Variants in STAT4 observed in about 807,000 individuals in gnomAD.
STAT4 encodes the protein signal transducer and activator of transcription 4.
A neutral mutation model predicts 110.5 loss-of-function variants in STAT4; 42 were observed. The observed-to-expected ratio is 0.38, with a 90% CI of 0.30 to 0.49. The LOEUF (loss-of-function observed/expected upper bound fraction) is 0.49, where lower values mean the gene tolerates loss of function less well. Among genes scored for constraint, STAT4 ranks in the 20% least tolerant of loss-of-function variants. STAT4 has a pLI of 0.95. For missense variants in STAT4, 632 were observed against 887.9 expected, an observed-to-expected ratio of 0.71 and a Z score of 3.66; for synonymous variants, 284 against 302.2, an observed-to-expected ratio of 0.94 and a Z score of 0.63.
At chr2:191,064,602 C>T (rs1383268728) in intron 8 of STAT4, among the ~76,000 whole-genome samples, 5 of 152,296 alleles carry the variant, frequency 3.3e-5, no homozygotes, top group East Asian at 1.9e-4. Flanking sequence ...ATTCAATGGA[C>T]GCTTTCCTTG....
chr2:191,101,763 T>C lies in STAT4; in HGVS notation c.274-25438A>G, dbSNP rs532961056. On this transcript the variant is annotated intron_variant, in intron 3 of 23. Coordinates refer to ENST00000392320, the MANE Select transcript of STAT4 (RefSeq NM_003151.4). ...CTTGGTACATACTGACCCATGAGTG[T>C]TCAATTGAAATTGTCACTTTATAGT... 1.3e-3 allele frequency among the ~76,000 whole-genome samples: 196 copies of C among 152,230 alleles called. 1 individual carries two copies. Among genetic ancestry groups the C allele is most frequent in the Non-Finnish European group, 2.3e-3 (156 of 67,986 alleles).
At chr2:191,067,554 GCATTGGGTC>G (rs1169468062) in intron 6 of STAT4, among the ~76,000 whole-genome samples, 2 of 152,130 alleles carry the variant, frequency 1.3e-5, no homozygotes, top group African/African-American at 4.8e-5. Context: ...CACTGCCTGA[GCATTGGGTC>G]CATTCATTAA....
chr2:191,092,737 C>A (rs1292529328), intron 3 of STAT4, among the ~76,000 whole-genome samples: 1 of 152,172 alleles, frequency 6.6e-6, no homozygotes, highest in African/African-American at 2.4e-5. Context: ...CAAAGCAGGG[C>A]AGGGCATTGC....
rs1699390442 is a variant in STAT4 at position 191,143,673 on chromosome 2, A to G, written c.273+2940T>C. 6.6e-6 allele frequency among the ~76,000 whole-genome samples: 1 copy of G among 152,208 alleles called. No homozygotes were observed. The highest frequency in any genetic ancestry group is 2.1e-4 in the South Asian group (1 of 4,834). On this transcript the variant is annotated intron_variant, in intron 3 of 23. Transcript: ENST00000392320. This position sits in a 1 kb window ranked among gnomAD's most constrained non-coding sequence, Gnocchi z 5.6. The stretch of plus-strand genomic sequence containing the variant: ...TACCTTATACATCCCTTAGTTCCCC[A>G]GGTATCATATTGTTTACTCCTTTTT...
intron 4 of STAT4, among the ~76,000 whole-genome samples, chr2:191,073,993 A>T (rs978811800): frequency 2.0e-5 from 3 of 152,224 alleles, no homozygotes; most frequent in African/African-American, 2.4e-5. Context: ...TGTAATTTTT[A>T]AAATGGTATA....
rs1697334321 is a variant in STAT4 at position 191,077,013 on chromosome 2, T to C, written c.274-688A>G. On this transcript the variant is annotated intron_variant, in intron 3 of 23. Transcript: ENST00000392320. This position sits in a 1 kb window ranked among gnomAD's most constrained non-coding sequence, Gnocchi z 4.1. Reference sequence around the variant, plus strand: ...GTGTGTCATGGTTTGCTTAAAGCATTTGTTTCTGTCCCTATTTGGTACTGT... The same window carrying C: ...GTGTGTCATGGTTTGCTTAAAGCATCTGTTTCTGTCCCTATTTGGTACTGT... Among the ~76,000 whole-genome samples the C allele has an allele frequency of 6.6e-6, 1 of 152,192 alleles. No individual in the cohort carries two copies. Among genetic ancestry groups the C allele is most frequent in the South Asian group, 2.1e-4 (1 of 4,830 alleles).
rs1282221695 is a variant in STAT4 at position 191,090,474 on chromosome 2, T to C, written c.274-14149A>G. On this transcript the variant is annotated intron_variant, in intron 3 of 23. Coordinates refer to ENST00000392320, the MANE Select transcript of STAT4 (RefSeq NM_003151.4). This position sits in a 1 kb window ranked among gnomAD's most constrained non-coding sequence, Gnocchi z 4.2. ...GCTCTGTTATTATTTATAATAATAA[T>C]AATAATACATCTATCTTAAACTAGC... Among the ~76,000 whole-genome samples, 1 of 152,148 alleles carries C rather than the reference T, an allele frequency of 6.6e-6. No homozygotes were observed. The highest frequency in any genetic ancestry group is 1.5e-5 in the Non-Finnish European group (1 of 68,022).
intron 3 of STAT4, among the ~76,000 whole-genome samples, chr2:191,126,939 C>T (rs4602251): frequency 0.61 from 92,133 of 151,530 alleles, 28,752 homozygotes; most frequent in South Asian, 0.78. Context: ...CCCACCTCAC[C>T]CTCCCACGTA....
At chr2:191,049,217 C>T (rs1278722531) in intron 14 of STAT4, among the ~76,000 whole-genome samples, 1 of 147,856 alleles carries the variant, frequency 6.8e-6, no homozygotes, top group Non-Finnish European at 1.5e-5. Flanking sequence ...CTCTGTCACC[C>T]AGGCTGGAGT....
In STAT4 at chr2:191,069,755, G is replaced by A. The variant is rs775033600; in HGVS notation, c.482C>T (p.Thr161Ile). The A allele has an allele frequency of 1.1e-5, 17 of 1,608,764 alleles. No homozygotes were observed. The Admixed American group carries it at 2.9e-4, about 27-fold the overall frequency. ...KNSVQMTEQD[T>I]KYLEDLQDEF... ...GTCTTGCAGATCTTCTAAGTATTTG[G>A]TATCTTGTTCTGTCATCTTTTCACA... Residue 161 changes from threonine to isoleucine, a missense_variant, in exon 6 of 24, where the codon ACC (threonine) becomes ATC (isoleucine). Thr to Ile is a moderately conservative substitution (Grantham distance 89). Transcript: ENST00000392320.
chr2:191,063,628 G>A (rs180959628), intron 8 of STAT4, among the ~76,000 whole-genome samples: 1 of 152,116 alleles, frequency 6.6e-6, no homozygotes, highest in Non-Finnish European at 1.5e-5. Context: ...AGTCCACCTC[G>A]CCATACAGTA....
rs1175509851 is a variant in STAT4, at chr2:191,140,145, A to G, written c.273+6468T>C. Among the ~76,000 whole-genome samples the G allele has an allele frequency of 6.6e-6, 1 of 152,242 alleles. No homozygotes were observed. Among genetic ancestry groups the G allele is most frequent in the Non-Finnish European group, 1.5e-5 (1 of 68,044 alleles). On this transcript the variant is annotated intron_variant, in intron 3 of 23. Transcript: ENST00000392320. This position sits in a 1 kb window ranked among gnomAD's most constrained non-coding sequence, Gnocchi z 4.4. ...TAAGACCTGAAGCCATAAAAATTCT[A>G]GAACATAACATTGGAAAAATACTTC...
intron 3 of STAT4, among the ~76,000 whole-genome samples, chr2:191,103,743 T>C (rs1034922385): frequency 1.3e-5 from 2 of 152,212 alleles, no homozygotes; most frequent in Non-Finnish European, 2.9e-5. Flanking sequence ...GTACTTTCCC[T>C]ATTTCAACAT....
At chr2:191,096,427 A>G (rs1417561783) in intron 3 of STAT4, among the ~76,000 whole-genome samples, 1 of 152,228 alleles carries the variant, frequency 6.6e-6, no homozygotes, top group Non-Finnish European at 1.5e-5. Context: ...CACCACGATC[A>G]AGTTGGCTTC....
In STAT4 at chr2:191,051,530, T is replaced by C. The variant is rs1696521697; in HGVS notation, c.1251+2960A>G. 6.6e-6 allele frequency among the ~76,000 whole-genome samples: 1 copy of C among 152,244 alleles called. No individual in the cohort carries two copies. Among genetic ancestry groups the C allele is most frequent in the Admixed American group, 6.5e-5 (1 of 15,282 alleles). ...AAAACCAACACTGCTAACTCCACTA[T>C]GCCACTGAGGCACGACACAAGTGCA... On this transcript the variant is annotated intron_variant, in intron 14 of 23. Transcript: ENST00000392320. This position sits in a 1 kb window ranked among gnomAD's most constrained non-coding sequence, Gnocchi z 5.6.
chr2:191,118,033 G>A (rs142942805), intron 3 of STAT4, among the ~76,000 whole-genome samples: 8 of 152,248 alleles, frequency 5.3e-5, no homozygotes, highest in East Asian at 3.9e-4. Context: ...CAGACCTGGC[G>A]TTTTTCATCT....
chr2:191,055,454 C>G (rs892604933), intron 13 of STAT4, among the ~76,000 whole-genome samples: 22 of 139,652 alleles, frequency 1.6e-4, no homozygotes, highest in Non-Finnish European at 2.7e-4. Flanking sequence ...CTCCTGACTT[C>G]GTGATCCACC....
At position 191,097,866 on chromosome 2, in the gene STAT4, C is replaced by A. The variant is rs183206275; in HGVS notation, c.274-21541G>T. Reference sequence around the variant, plus strand: ...AAAGTTTTGCAATCTACCCATCTGACAAAGGGCTAATATCCAGAATCTACA... The same window carrying A: ...AAAGTTTTGCAATCTACCCATCTGAAAAAGGGCTAATATCCAGAATCTACA... On this transcript the variant is annotated intron_variant, in intron 3 of 23. Transcript: ENST00000392320. Among the ~76,000 whole-genome samples, 485 of 151,692 alleles carry A rather than the reference C, an allele frequency of 3.2e-3. 1 individual carries two copies. Among genetic ancestry groups the A allele is most frequent in the African/African-American group, 0.011 (469 of 41,306 alleles).
At chr2:191,044,447 T>C (rs532466313) in intron 14 of STAT4, among the ~76,000 whole-genome samples, 70 of 152,226 alleles carry the variant, frequency 4.6e-4, no homozygotes, top group Non-Finnish European at 7.3e-4. Context: ...CAGTCAACTA[T>C]GGATGGGAAA....
Sources: gnomAD v4.1 joint callset for allele counts (sites outside exome capture counted in the v4.1 genomes callset) on GRCh38, gnomAD v4.1.1 for gene constraint, Gnocchi (gnomAD v3.1) non-coding constraint, MANE v1.5 for transcripts, NCBI Gene and HGNC (gene_info 2026-07-23, HGNC 2026-07-21) for gene names.